Variants in LSAMP observed in about 807,000 individuals in gnomAD.
The protein encoded by LSAMP is limbic system associated membrane protein, also known as limbic system-associated membrane protein.
In LSAMP, 7 loss-of-function variants were observed where a neutral mutation model predicts 38.6. The observed-to-expected ratio is 0.18, with a 90% CI of 0.10 to 0.34. The LOEUF (loss-of-function observed/expected upper bound fraction) is 0.34, where lower values mean the gene tolerates loss of function less well. LSAMP is among the 10% of genes least tolerant of loss of function. The pLI is 1.00. For missense variants in LSAMP, 313 were observed against 420.0 expected, an observed-to-expected ratio of 0.75 and a Z score of 2.23; for synonymous variants, 154 against 166.8, an observed-to-expected ratio of 0.92 and a Z score of 0.59.
intron 1 of LSAMP, among the ~76,000 whole-genome samples, chr3:116,281,072 A>G (rs1337920426): frequency 6.6e-6 from 1 of 152,228 alleles, no homozygotes; most frequent in African/African-American, 2.4e-5. Context: ...AAGAAAAACC[A>G]GCAGTTGCAA....
chr3:115,847,023 A>G (rs542957512), intron 4 of LSAMP, among the ~76,000 whole-genome samples: 1 of 152,310 alleles, frequency 6.6e-6, no homozygotes, highest in African/African-American at 2.4e-5. Context: ...TGAAGTAAAG[A>G]TCAAATGAAA....
At chr3:116,301,448 G>A (rs920822350) in intron 1 of LSAMP, among the ~76,000 whole-genome samples, 1 of 152,122 alleles carries the variant, frequency 6.6e-6, no homozygotes, top group Admixed American at 6.5e-5. Flanking sequence ...TTATAATCAA[G>A]GAAGATGATA....
chr3:116,245,158 A>T (rs974941470), intron 1 of LSAMP, among the ~76,000 whole-genome samples: 2 of 152,164 alleles, frequency 1.3e-5, no homozygotes, highest in African/African-American at 4.8e-5. Context: ...TTATAAGAAG[A>T]GGAGACAAGG....
chr3:115,873,246 T>C (rs938308264), intron 3 of LSAMP, among the ~76,000 whole-genome samples: 1 of 151,986 alleles, frequency 6.6e-6, no homozygotes, highest in Non-Finnish European at 1.5e-5. Flanking sequence ...AGCATGTACC[T>C]GTAATCCCAG....
chr3:116,186,300 C>T (rs370159931), intron 1 of LSAMP, among the ~76,000 whole-genome samples: 5 of 152,098 alleles, frequency 3.3e-5, no homozygotes, highest in African/African-American at 7.2e-5. Context: ...CATCTTGTCC[C>T]GACCAATGCC....
chr3:116,213,788 G>A (rs1374870079), intron 1 of LSAMP, among the ~76,000 whole-genome samples: 4 of 152,158 alleles, frequency 2.6e-5, no homozygotes, highest in East Asian at 1.9e-4. Context: ...ACTATGCTAA[G>A]TGAAATAAGC....
At chr3:116,300,919 T>C (rs1055186370) in intron 1 of LSAMP, among the ~76,000 whole-genome samples, 3 of 152,066 alleles carry the variant, frequency 2.0e-5, no homozygotes, top group African/African-American at 7.2e-5. Context: ...GACTTAACTC[T>C]TCCAGCTCAT....
Position 116,424,540 on chromosome 3 carries a change from C to T in LSAMP, c.155+20337G>A, listed in dbSNP as rs148525087. Among the ~76,000 whole-genome samples, 746 of 152,244 alleles carry T rather than the reference C, an allele frequency of 4.9e-3. 1 individual carries two copies. Among genetic ancestry groups the T allele is most frequent in the Non-Finnish European group, 6.1e-3 (413 of 68,012 alleles). ...GAGGGTCACAGGACAACCCAGAATA[C>T]GGCAGTACATGGATAAAAAGTAGAA... On this transcript the variant is annotated intron_variant, in intron 1 of 6. Transcript: ENST00000490035.
intron 2 of LSAMP, among the ~76,000 whole-genome samples, chr3:116,068,815 G>C (rs1036023885): frequency 5.9e-5 from 9 of 152,182 alleles, no homozygotes; most frequent in Non-Finnish European, 1.5e-5. Context: ...TGGTTTCAAA[G>C]AGAAACAATG....
chr3:115,966,530 A>G (rs1043581521), intron 3 of LSAMP, among the ~76,000 whole-genome samples: 1 of 152,234 alleles, frequency 6.6e-6, no homozygotes, highest in African/African-American at 2.4e-5. Flanking sequence ...TGCCTTAAGT[A>G]TATGCCTTGA....
chr3:115,941,009 A>G (rs1937901115), intron 3 of LSAMP, among the ~76,000 whole-genome samples: 1 of 152,196 alleles, frequency 6.6e-6, no homozygotes, highest in East Asian at 1.9e-4. Context: ...ACAGAATGAG[A>G]GAAAATATTT....
rs138160057 is a variant in LSAMP, at chr3:115,810,371, G to T, written c.963C>A (p.Ala321=). The change falls in exon 7 of 7, where the codon GCC becomes GCA. Residue 321 remains alanine, a synonymous_variant. Coordinates refer to ENST00000490035, the MANE Select transcript of LSAMP (RefSeq NM_002338.5). ...VRGINGSISL[A]VPLWLLAASL... ...ATGCTGCCAGCAGCCACAGTGGTAC[G>T]GCCAGACTGATGGATCCATTTATTC... is the stretch of plus-strand genomic sequence containing the variant. The T allele has an allele frequency of 6.2e-7, 1 of 1,613,662 alleles. No individual in the cohort carries two copies. Among genetic ancestry groups the T allele is most frequent in the East Asian group, 2.2e-5 (1 of 44,874 alleles).
chr3:115,822,834 G>A (rs1162676605), intron 6 of LSAMP, among the ~76,000 whole-genome samples: 1 of 152,154 alleles, frequency 6.6e-6, no homozygotes, highest in Non-Finnish European at 1.5e-5. Context: ...TTCAAATACC[G>A]CTAAAGGCTT....
chr3:116,228,249 T>C (rs1407477043), intron 1 of LSAMP, among the ~76,000 whole-genome samples: 1 of 152,044 alleles, frequency 6.6e-6, no homozygotes, highest in Non-Finnish European at 1.5e-5. Flanking sequence ...GATAAATCAA[T>C]ATTGCTAAGA....
rs183587635 is a variant in LSAMP, at chr3:116,312,749, A to G, written c.155+132128T>C. Among the ~76,000 whole-genome samples, 53 of 152,290 alleles carry G rather than the reference A, an allele frequency of 3.5e-4. No individual in the cohort carries two copies. The East Asian group carries it at 7.0e-3, about 20-fold the overall frequency. On this transcript the variant is annotated intron_variant, in intron 1 of 6. Coordinates refer to ENST00000490035, the MANE Select transcript of LSAMP (RefSeq NM_002338.5). ...CAACTAGAGAGCGAAAGAAGCCACC[A>G]TAATACAGCAATGATGTATGCAATG... is the stretch of plus-strand genomic sequence containing the variant.
At chr3:116,164,760 A>ATTTTTT (rs1553709491) in intron 1 of LSAMP, among the ~76,000 whole-genome samples, 1 of 91,642 alleles carries the variant, frequency 1.1e-5, no homozygotes, top group Non-Finnish European at 2.0e-5. Flanking sequence ...ATATATATAT[A>ATTTTTT]TTTTTTTTTT....
At chr3:116,354,649 G>T (rs924774310) in intron 1 of LSAMP, among the ~76,000 whole-genome samples, 1 of 152,118 alleles carries the variant, frequency 6.6e-6, no homozygotes, top group Admixed American at 6.6e-5. Context: ...TTTATGGTAG[G>T]TTGCCTTATA....
chr3:115,911,276 C>T (rs1937128048), intron 3 of LSAMP, among the ~76,000 whole-genome samples: 2 of 152,178 alleles, frequency 1.3e-5, no homozygotes, highest in Non-Finnish European at 2.9e-5. Flanking sequence ...ACCACAGTTT[C>T]TTCAATCATT....
intron 1 of LSAMP, among the ~76,000 whole-genome samples, chr3:116,386,821 G>T (rs1042353445): frequency 2.6e-5 from 4 of 152,128 alleles, no homozygotes; most frequent in African/African-American, 9.7e-5. Context: ...TCTGGAGCCT[G>T]CAGGGAAGCC....
Sources: allele counts gnomAD v4.1 joint callset (sites outside exome capture counted in the v4.1 genomes callset), GRCh38; gene constraint gnomAD v4.1.1; transcripts MANE v1.5; gene names NCBI Gene and HGNC (gene_info 2026-07-23, HGNC 2026-07-21).